Variants in EXOC4 observed in about 807,000 individuals in gnomAD.
The protein encoded by EXOC4 is SEC8-like 1.
EXOC4 carries 71 observed loss-of-function variants against 107.2 expected under a neutral mutation model. The ratio of observed to expected loss-of-function variants is 0.66; its 90% confidence interval spans 0.55 to 0.81. The LOEUF is 0.81. EXOC4 is among the 30% of genes least tolerant of loss of function. The pLI is 0.00. For missense variants in EXOC4, 1,108 were observed against 1,189.6 expected, an observed-to-expected ratio of 0.93 and a Z score of 1.01; for synonymous variants, 456 against 441.2, an observed-to-expected ratio of 1.03 and a Z score of -0.42.
chr7:134,079,010 C>T, the EXOC4 span, among the ~76,000 whole-genome samples: 30 of 152,174 alleles, frequency 2.0e-4, no homozygotes, highest in Non-Finnish European at 2.9e-5. Context: ...CACCCTCCAT[C>T]GAGGACTGAT....
At chr7:133,453,735 C>G (rs1262330197) in intron 7 of EXOC4, among the ~76,000 whole-genome samples, 1 of 151,996 alleles carries the variant, frequency 6.6e-6, no homozygotes, top group African/African-American at 2.4e-5. Context: ...GTTATCGTCT[C>G]TTGGTTAATT....
intron 7 of EXOC4, among the ~76,000 whole-genome samples, chr7:133,471,734 T>C (rs1415928032): frequency 1.3e-5 from 2 of 152,194 alleles, no homozygotes; most frequent in South Asian, 2.1e-4. Flanking sequence ...TTCAGCAATT[T>C]GTTGTATTTT....
At chr7:133,512,838 A>G (rs943626767) in intron 9 of EXOC4, among the ~76,000 whole-genome samples, 6 of 152,116 alleles carry the variant, frequency 3.9e-5, no homozygotes, top group African/African-American at 1.4e-4. Flanking sequence ...TGGAAAATAA[A>G]TCATATGAAA....
intron 14 of EXOC4, among the ~76,000 whole-genome samples, chr7:133,955,726 A>G (rs549821557): frequency 1.6e-4 from 24 of 152,342 alleles, no homozygotes; most frequent in Admixed American, 1.3e-4. Context: ...GGCCTGCACC[A>G]TGCTGCCCTC....
intron 10 of EXOC4, among the ~76,000 whole-genome samples, chr7:133,816,537 T>C (rs1233638305): frequency 1.3e-5 from 2 of 152,188 alleles, no homozygotes; most frequent in African/African-American, 4.8e-5. Flanking sequence ...CATATCATCA[T>C]GAATTTTAGA....
intron 14 of EXOC4, among the ~76,000 whole-genome samples, chr7:133,985,886 T>C (rs1585301503): frequency 6.6e-6 from 1 of 152,316 alleles, no homozygotes; most frequent in East Asian, 1.9e-4. Context: ...TTTTCCTTCC[T>C]GATAATTTCT....
At chr7:133,903,565 G>A (rs1799502934) in intron 12 of EXOC4, among the ~76,000 whole-genome samples, 1 of 152,204 alleles carries the variant, frequency 6.6e-6, no homozygotes, top group Non-Finnish European at 1.5e-5. Flanking sequence ...GATGGATGGA[G>A]TTGCCAGCTA....
chr7:133,711,353 A>G (rs1794889474), intron 10 of EXOC4, among the ~76,000 whole-genome samples: 1 of 152,188 alleles, frequency 6.6e-6, no homozygotes, highest in Non-Finnish European at 1.5e-5. Context: ...AGAAAAATGG[A>G]TTTAGTGAAA....
chr7:133,691,828 C>T (rs1227508589), intron 10 of EXOC4, among the ~76,000 whole-genome samples: 2 of 152,136 alleles, frequency 1.3e-5, no homozygotes, highest in African/African-American at 4.8e-5. Flanking sequence ...GAGCTTAGCA[C>T]ATTTCAGAAA....
At chr7:134,079,066 A>G in the EXOC4 span, among the ~76,000 whole-genome samples, 1 of 152,164 alleles carries the variant, frequency 6.6e-6, no homozygotes, top group Non-Finnish European at 1.5e-5. Context: ...TTTAGTAAAC[A>G]TCAGTAGCCT....
intron 13 of EXOC4, among the ~76,000 whole-genome samples, chr7:133,928,284 G>A (rs1800096350): frequency 6.6e-6 from 1 of 152,150 alleles, no homozygotes; most frequent in Admixed American, 6.5e-5. Flanking sequence ...CAGGATGCCT[G>A]TGATCAAGCC....
At chr7:133,287,252 C>T (rs548679156) in intron 2 of EXOC4, among the ~76,000 whole-genome samples, 6 of 152,196 alleles carry the variant, frequency 3.9e-5, no homozygotes, top group Admixed American at 2.6e-4. Flanking sequence ...TCATCTTCAT[C>T]AGATTTACAA....
chr7:133,470,068 A>G (rs1798834299), intron 7 of EXOC4, among the ~76,000 whole-genome samples: 1 of 152,196 alleles, frequency 6.6e-6, no homozygotes. Flanking sequence ...GTTGGGGAAT[A>G]GTTCTTAGAT....
intron 12 of EXOC4, among the ~76,000 whole-genome samples, chr7:133,911,784 C>T (rs764054215): frequency 6.6e-6 from 1 of 152,136 alleles, no homozygotes; most frequent in African/African-American, 2.4e-5. Flanking sequence ...TGGATGCGCT[C>T]AAAGACGTAG....
At chr7:133,495,325 C>T (rs962800085) in intron 9 of EXOC4, among the ~76,000 whole-genome samples, 2 of 151,560 alleles carry the variant, frequency 1.3e-5, no homozygotes, top group African/African-American at 4.8e-5. Flanking sequence ...TGTTCTTTCT[C>T]CCCTTTTTTA....
intron 10 of EXOC4, among the ~76,000 whole-genome samples, chr7:133,727,989 G>A (rs1795251110): frequency 6.6e-6 from 1 of 152,012 alleles, no homozygotes; most frequent in Non-Finnish European, 1.5e-5. Flanking sequence ...TACACTCCTT[G>A]TTAAAATTCT....
chr7:133,628,413 A>G (rs192137500), intron 9 of EXOC4, among the ~76,000 whole-genome samples: 2 of 152,294 alleles, frequency 1.3e-5, no homozygotes, highest in South Asian at 2.1e-4. Flanking sequence ...ATCTTCAGGC[A>G]TTCTAGTTTC....
At chr7:134,060,410 C>T (rs1796029201) in intron 17 of EXOC4, among the ~76,000 whole-genome samples, 3 of 152,296 alleles carry the variant, frequency 2.0e-5, no homozygotes, top group African/African-American at 7.2e-5. Flanking sequence ...GGCTACAAAC[C>T]ATGAGCCAGA....
At chr7:134,012,746 G>C (rs116119687) in intron 17 of EXOC4, among the ~76,000 whole-genome samples, 2,640 of 152,274 alleles carry the variant, frequency 0.017, 93 homozygotes, top group African/African-American at 0.06. Context: ...AGATGAAAAA[G>C]AGAAGCTGTC....
Sources: gnomAD v4.1 joint callset for allele counts (sites outside exome capture counted in the v4.1 genomes callset) on GRCh38, gnomAD v4.1.1 for gene constraint, MANE v1.5 for transcripts, NCBI Gene and HGNC (gene_info 2026-07-23, HGNC 2026-07-21) for gene names.